The following GALNT18 variants were observed in gnomAD, a reference collection of about 807,000 sequenced individuals.
GALNT18 encodes the protein polypeptide N-acetylgalactosaminyltransferase 18.
A neutral mutation model predicts 69.5 loss-of-function variants in GALNT18; 44 were observed. The observed-to-expected ratio is 0.63, with a 90% CI of 0.50 to 0.81. The LOEUF is 0.81. Among genes scored for constraint, GALNT18 ranks in the 40% least tolerant of loss-of-function variants. GALNT18 has a pLI of 0.00. For missense variants in GALNT18, 715 were observed against 810.0 expected (o/e 0.88, Z 1.42); for synonymous variants, 364 against 318.2 (o/e 1.14, Z -1.53).
intron 1 of GALNT18, among the ~76,000 whole-genome samples, chr11:11,490,232 CT>C (rs1175578571): frequency 1.9e-3 from 123 of 65,724 alleles, no homozygotes; most frequent in Middle Eastern, 7.2e-3. Context: ...CTCTCTCTCT[CT>C]AACACACACA....
At position 11,432,764 on chromosome 11, in the gene GALNT18, T is replaced by C. The variant is rs532233847; in HGVS notation, c.452A>G (p.Asp151Gly). Residue 151 changes from aspartate to glycine, a missense_variant, in exon 3 of 11, where the codon GAC becomes GGC. Asp to Gly is a moderately conservative substitution (Grantham distance 94, BLOSUM62 -1). Coordinates refer to ENST00000227756, the MANE Select transcript of GALNT18 (RefSeq NM_198516.3). The surrounding 1 kb of genome is among the most constrained non-coding windows in gnomAD (Gnocchi z 5.8). ...PSGCRNLSFP[D>G]SLPEVSIVFI... ...CACGATGCTCACCTCTGGCAGGCTG[T>C]CAGGAAATGAGAGGTTACGGCACCT... 11 of 1,613,870 alleles carry C rather than the reference T, an allele frequency of 6.8e-6. No homozygotes were observed. The highest frequency in any genetic ancestry group is 4.5e-5 in the East Asian group (2 of 44,876).
chr11:11,590,986 T>A lies in GALNT18; in HGVS notation c.235+30373A>T, dbSNP rs367996776. On this transcript the variant is annotated intron_variant, in intron 1 of 10. Coordinates refer to ENST00000227756, the MANE Select transcript of GALNT18 (RefSeq NM_198516.3). This position sits in a 1 kb window ranked among gnomAD's most constrained non-coding sequence, Gnocchi z 4.4. ...TAGAATATATTCCTTCTACTTAATT[T>A]TTTTTAAGTTAACTGTAAGACAGTC... 2.6e-5 allele frequency among the ~76,000 whole-genome samples: 4 copies of A among 152,324 alleles called. No homozygotes were observed. The South Asian group carries it at 8.3e-4, about 32-fold the overall frequency.
chr11:11,307,977 C>A (rs7952416), intron 9 of GALNT18, among the ~76,000 whole-genome samples: 5,064 of 152,222 alleles, frequency 0.033, 116 homozygotes, highest in Middle Eastern at 0.068. Context: ...CAGGGGTGAC[C>A]GCAGTGGCTG....
chr11:11,392,855 C>A (rs145992081), intron 3 of GALNT18, among the ~76,000 whole-genome samples: 3 of 152,280 alleles, frequency 2.0e-5, no homozygotes, highest in African/African-American at 7.2e-5. Flanking sequence ...GAAATGGAGG[C>A]TCAGCAATGC....
chr11:11,311,547 C>A (rs553226488), intron 9 of GALNT18, among the ~76,000 whole-genome samples: 142 of 152,240 alleles, frequency 9.3e-4, no homozygotes, highest in African/African-American at 3.3e-3. Flanking sequence ...GGGGTTGAGT[C>A]AAATGGAAAG....
rs57957956 is a variant in GALNT18, at chr11:11,408,364, CAAAAAAAAAAAAA to C, written c.595+24244_595+24256del. ...TGAGTGACAGAGCAAGACTTCATCT[CAAAAAAAAAAAAA>C]AAAAAAAAAAAAAGGAATATACCGC... On this transcript the variant is annotated intron_variant, in intron 3 of 10. Coordinates refer to ENST00000227756, the MANE Select transcript of GALNT18 (RefSeq NM_198516.3). Among the ~76,000 whole-genome samples, 126 of 70,908 alleles carry C rather than the reference CAAAAAAAAAAAAA, an allele frequency of 1.8e-3. 1 individual carries two copies. Among genetic ancestry groups the C allele is most frequent in the African/African-American group, 6.1e-3 (119 of 19,480 alleles). 46.5% of individuals were successfully genotyped at this position (70,908 alleles called of 152,430 possible).
At chr11:11,323,880 C>T (rs1262734294) in intron 9 of GALNT18, among the ~76,000 whole-genome samples, 5 of 152,146 alleles carry the variant, frequency 3.3e-5, no homozygotes, top group Admixed American at 6.5e-5. Flanking sequence ...TGAGCCACAC[C>T]TTAGTGTTTT....
intron 1 of GALNT18, among the ~76,000 whole-genome samples, chr11:11,608,382 CAG>C (rs1859805024): frequency 1.3e-5 from 2 of 151,734 alleles, no homozygotes; most frequent in African/African-American, 2.4e-5. Context: ...TTTTTTGAGA[CAG>C]AGTCTTGCTC....
Position 11,271,100 on chromosome 11 carries a change from TGCTACACAGTA to T in GALNT18, c.*33_*43del. Reference sequence around the variant, plus strand: ...GGACAGCAGGCAACGTTGCAGCAGGTGCTACACAGTAGCAAAGAGGCAGCCGGAAGTGGCCC... The same window carrying T: ...GGACAGCAGGCAACGTTGCAGCAGGTGCAAAGAGGCAGCCGGAAGTGGCCC... On this transcript the variant is annotated 3_prime_UTR_variant, in exon 11 of 11. Transcript: ENST00000227756. 6.3e-7 allele frequency: 1 copy of T among 1,589,238 alleles called. No individual in the cohort carries two copies. The highest frequency in any genetic ancestry group is 8.6e-7 in the Non-Finnish European group (1 of 1,162,558).
chr11:11,594,041 T>A (rs759789117), intron 1 of GALNT18, among the ~76,000 whole-genome samples: 2 of 152,248 alleles, frequency 1.3e-5, no homozygotes, highest in Non-Finnish European at 2.9e-5. Flanking sequence ...CGTTTTGGAA[T>A]TGAAGGTAGT....
At chr11:11,323,161 C>G (rs1271491658) in intron 9 of GALNT18, among the ~76,000 whole-genome samples, 1 of 152,208 alleles carries the variant, frequency 6.6e-6, no homozygotes, top group Non-Finnish European at 1.5e-5. Context: ...ATACATCATT[C>G]CATCCCAACA....
chr11:11,569,052 C>T (rs1338746776), intron 1 of GALNT18, among the ~76,000 whole-genome samples: 1 of 152,168 alleles, frequency 6.6e-6, no homozygotes, highest in African/African-American at 2.4e-5. Context: ...TGATGCCTGA[C>T]TTCTTGTATA....
At chr11:11,607,360 T>C (rs1295589038) in intron 1 of GALNT18, among the ~76,000 whole-genome samples, 1 of 152,228 alleles carries the variant, frequency 6.6e-6, no homozygotes, top group Non-Finnish European at 1.5e-5. Flanking sequence ...GTTTATTGCC[T>C]GGGAAGTTTC....
intron 3 of GALNT18, among the ~76,000 whole-genome samples, chr11:11,422,476 A>C (rs1345724908): frequency 6.6e-6 from 1 of 152,236 alleles, no homozygotes. Flanking sequence ...CTTTGGCTGA[A>C]CGGGCTGACA....
intron 3 of GALNT18, among the ~76,000 whole-genome samples, chr11:11,385,050 A>G (rs764961618): frequency 6.6e-6 from 1 of 152,144 alleles, no homozygotes; most frequent in Non-Finnish European, 1.5e-5. Context: ...TGAGGGCCTC[A>G]GGCTGCTTCC....
chr11:11,586,989 CAAATAAAT>C lies in GALNT18; in HGVS notation c.235+34362_235+34369del, dbSNP rs372579300. Reference sequence around the variant, plus strand: ...GGGAACAAGAGTGAAACCCCATCTCCAAATAAATAAATAAATAAATAAATAAACTCAAA... The same window carrying C: ...GGGAACAAGAGTGAAACCCCATCTCCAAATAAATAAATAAATAAACTCAAA... On this transcript the variant is annotated intron_variant, in intron 1 of 10. Transcript: ENST00000227756. This position sits in a 1 kb window ranked among gnomAD's most constrained non-coding sequence, Gnocchi z 4.1. 6.6e-6 allele frequency among the ~76,000 whole-genome samples: 1 copy of C among 151,662 alleles called. No individual in the cohort carries two copies. The highest frequency in any genetic ancestry group is 2.4e-5 in the African/African-American group (1 of 41,190).
rs1409783996 is a variant in GALNT18 at position 11,465,832 on chromosome 11, A to C, written c.236-16896T>G. 1.3e-5 allele frequency among the ~76,000 whole-genome samples: 2 copies of C among 152,018 alleles called. No individual in the cohort carries two copies. The highest frequency in any genetic ancestry group is 4.8e-5 in the African/African-American group (2 of 41,374). ...TAGGGTACTCAGCTATCTCTAGGGG[A>C]GGGGCTTGCACTGTCATACTGCTGA... On this transcript the variant is annotated intron_variant, in intron 1 of 10. Transcript: ENST00000227756. The surrounding 1 kb of genome is among the most constrained non-coding windows in gnomAD (Gnocchi z 5.7).
intron 1 of GALNT18, among the ~76,000 whole-genome samples, chr11:11,495,054 G>A (rs956528514): frequency 4.6e-5 from 7 of 151,680 alleles, no homozygotes; most frequent in South Asian, 2.1e-4. Flanking sequence ...AAAAAAATCC[G>A]AAATTACATC....
Position 11,320,485 on chromosome 11 carries a change from T to G in GALNT18, c.1512+6601A>C, listed in dbSNP as rs944372112. 1.3e-5 allele frequency among the ~76,000 whole-genome samples: 2 copies of G among 152,218 alleles called. No homozygotes were observed. Among genetic ancestry groups the G allele is most frequent in the African/African-American group, 4.8e-5 (2 of 41,462 alleles). On this transcript the variant is annotated intron_variant, in intron 9 of 10. Transcript: ENST00000227756. This position sits in a 1 kb window ranked among gnomAD's most constrained non-coding sequence, Gnocchi z 4.9. ...GGGGTGACATCCCTGGAAATGCATG[T>G]TGAATGTTTGATTTGGACCAAGTCT... is the stretch of plus-strand genomic sequence containing the variant.
Sources: allele counts gnomAD v4.1 joint callset (sites outside exome capture counted in the v4.1 genomes callset), GRCh38; gene constraint gnomAD v4.1.1; non-coding constraint Gnocchi (gnomAD v3.1); transcripts MANE v1.5; gene names NCBI Gene and HGNC (gene_info 2026-07-23, HGNC 2026-07-21).